STAG1: variants seen among roughly 807,000 people sequenced by gnomAD.
The protein encoded by STAG1 is STAG1 cohesin complex component, also known as cohesin subunit SA-1.
A neutral mutation model predicts 170.9 loss-of-function variants in STAG1; 26 were observed. That is an observed-to-expected ratio of 0.15 (90% CI 0.11 to 0.21). The LOEUF is 0.21. Among genes scored for constraint, STAG1 ranks in the 10% least tolerant of loss-of-function variants. The probability of loss-of-function intolerance (pLI) is 1.00; values close to 1 mark genes in which losing one functional copy is unlikely to be tolerated. For synonymous variants in STAG1, 514 were observed against 497.7 expected (o/e 1.03, Z -0.44); for missense variants, 964 against 1,509.5 (o/e 0.64, Z 5.99).
chr3:136,698,851 G>A (rs1399345800), intron 1 of STAG1, among the ~76,000 whole-genome samples: 1 of 152,014 alleles, frequency 6.6e-6, no homozygotes, highest in Non-Finnish European at 1.5e-5. Flanking sequence ...AGAAAATATA[G>A]TATATATACA....
chr3:136,393,721 G>A (rs988466694), intron 22 of STAG1, among the ~76,000 whole-genome samples: 9 of 150,412 alleles, frequency 6.0e-5, no homozygotes, highest in Non-Finnish European at 1.0e-4. Context: ...TCAGACTCCC[G>A]AGTAGCTAGG....
intron 1 of STAG1, among the ~76,000 whole-genome samples, chr3:136,658,681 T>G (rs1023881589): frequency 2.0e-5 from 3 of 152,220 alleles, no homozygotes; most frequent in Non-Finnish European, 2.9e-5. Flanking sequence ...CGAGGTGATG[T>G]TAAATTATTG....
chr3:136,573,038 G>A (rs1000516949), intron 4 of STAG1, among the ~76,000 whole-genome samples: 1 of 152,088 alleles, frequency 6.6e-6, no homozygotes, highest in Non-Finnish European at 1.5e-5. Flanking sequence ...AATTAGTTGG[G>A]CACAGTGGCA....
At chr3:136,730,404 T>C (rs1933944318) in intron 1 of STAG1, among the ~76,000 whole-genome samples, 1 of 152,038 alleles carries the variant, frequency 6.6e-6, no homozygotes, top group Admixed American at 6.6e-5. Context: ...GACTTTAGAG[T>C]CACAAAAACC....
chr3:136,339,616 T>A (rs559693371), intron 32 of STAG1, among the ~76,000 whole-genome samples: 2 of 152,340 alleles, frequency 1.3e-5, no homozygotes, highest in East Asian at 3.9e-4. Flanking sequence ...ATGATTAATT[T>A]CTATGTACCC....
At chr3:136,430,930 G>A (rs1462877182) in intron 16 of STAG1, among the ~76,000 whole-genome samples, 4 of 149,856 alleles carry the variant, frequency 2.7e-5, no homozygotes, top group Non-Finnish European at 4.4e-5. Context: ...TGGAGACAGA[G>A]TCTTACTCTG....
intron 1 of STAG1, among the ~76,000 whole-genome samples, chr3:136,715,149 T>C (rs1350605149): frequency 7.0e-6 from 1 of 141,954 alleles, no homozygotes; most frequent in African/African-American, 2.7e-5. Flanking sequence ...CAGATAAAAT[T>C]TGTGTATGTG....
intron 9 of STAG1, among the ~76,000 whole-genome samples, chr3:136,478,163 G>C (rs1314191900): frequency 1.3e-5 from 2 of 152,186 alleles, no homozygotes; most frequent in East Asian, 1.9e-4. Context: ...TCAAGGCACA[G>C]GTCTTTCATC....
intron 21 of STAG1, among the ~76,000 whole-genome samples, chr3:136,416,220 T>C (rs909658548): frequency 2.6e-5 from 4 of 152,076 alleles, no homozygotes; most frequent in African/African-American, 9.7e-5. Context: ...ATTGGCCAGG[T>C]TGGTCTCAAA....
chr3:136,465,218 A>T (rs2089417443), intron 12 of STAG1, among the ~76,000 whole-genome samples: 1 of 139,298 alleles, frequency 7.2e-6, no homozygotes. Context: ...CAATTCTTCT[A>T]CAGCTTTTTT....
chr3:136,668,841 C>T (rs1941895373), intron 1 of STAG1, among the ~76,000 whole-genome samples: 1 of 152,166 alleles, frequency 6.6e-6, no homozygotes, highest in South Asian at 2.1e-4. Flanking sequence ...ATAGAGACTT[C>T]CTTCAAGGGA....
chr3:136,463,385 A>G (rs1156424375), intron 13 of STAG1, among the ~76,000 whole-genome samples: 3 of 152,204 alleles, frequency 2.0e-5, no homozygotes, highest in African/African-American at 4.8e-5. Flanking sequence ...AAGTTAGTCA[A>G]TGATGCACAA....
chr3:136,424,328 CT>C (rs60213699), intron 16 of STAG1, among the ~76,000 whole-genome samples: 9,534 of 117,106 alleles, frequency 0.081, 236 homozygotes, highest in Non-Finnish European at 0.1. Context: ...ATGGAACGAT[CT>C]TTTTTTTTTT....
chr3:136,618,497 A>T (rs1939695663), intron 3 of STAG1, among the ~76,000 whole-genome samples: 1 of 152,218 alleles, frequency 6.6e-6, no homozygotes, highest in African/African-American at 2.4e-5. Context: ...TATATACAAC[A>T]TTATTTACCT....
At chr3:136,658,805 T>C (rs951080866) in intron 1 of STAG1, among the ~76,000 whole-genome samples, 5 of 152,214 alleles carry the variant, frequency 3.3e-5, no homozygotes, top group South Asian at 4.1e-4. Context: ...TAACAAGATA[T>C]ATGTTACTGT....
intron 31 of STAG1, among the ~76,000 whole-genome samples, chr3:136,341,053 C>T (rs1208216851): frequency 1.3e-5 from 2 of 152,204 alleles, no homozygotes; most frequent in African/African-American, 2.4e-5. Flanking sequence ...GGATTATAGG[C>T]GCCCACCACC....
At chr3:136,508,883 T>TGC (rs1340218925) in intron 7 of STAG1, among the ~76,000 whole-genome samples, 2 of 152,100 alleles carry the variant, frequency 1.3e-5, no homozygotes, top group African/African-American at 4.8e-5. Flanking sequence ...TGTGCGCGCG[T>TGC]GCGCGAGAGA....
intron 22 of STAG1, among the ~76,000 whole-genome samples, chr3:136,380,431 G>A (rs756746621): frequency 4.6e-5 from 7 of 151,828 alleles, no homozygotes; most frequent in Non-Finnish European, 8.8e-5. Context: ...TAGTAGATAC[G>A]GGTTTTCACC....
intron 26 of STAG1, among the ~76,000 whole-genome samples, chr3:136,359,520 C>CTAA (rs761593584): frequency 2.0e-5 from 3 of 152,026 alleles, no homozygotes; most frequent in Non-Finnish European, 4.4e-5. Context: ...AAATTTGTTT[C>CTAA]TAATAATAAT....
Sources: allele counts gnomAD v4.1 joint callset (sites outside exome capture counted in the v4.1 genomes callset), GRCh38; gene constraint gnomAD v4.1.1; transcripts MANE v1.5; gene names NCBI Gene and HGNC (gene_info 2026-07-23, HGNC 2026-07-21).